The following THSD4 variants were observed in gnomAD, a reference collection of about 807,000 sequenced individuals.
THSD4 encodes thrombospondin type 1 domain containing 4, also known as thrombospondin type-1 domain-containing protein 4.
Under a neutral mutation model 119.0 loss-of-function variants are expected in THSD4, and 69 were observed. That is an observed-to-expected ratio of 0.58 (90% CI 0.48 to 0.71). The LOEUF (loss-of-function observed/expected upper bound fraction) is 0.71, where lower values mean the gene tolerates loss of function less well. Ranked by LOEUF, THSD4 falls within the 30% of genes least tolerant of loss-of-function variation. The pLI, the probability that THSD4 is intolerant of heterozygous loss-of-function variation, is 0.00. For missense variants in THSD4, 1,393 were observed against 1,391.1 expected (o/e 1.00, Z -0.02); for synonymous variants, 524 against 540.4 (o/e 0.97, Z 0.42).
intron 7 of THSD4, among the ~76,000 whole-genome samples, chr15:71,489,699 C>T (rs915393588): frequency 5.9e-5 from 9 of 152,134 alleles, no homozygotes; most frequent in African/African-American, 1.7e-4. Flanking sequence ...CTGGTTTTGC[C>T]AGAAATAGAA....
intron 8 of THSD4, among the ~76,000 whole-genome samples, chr15:71,720,036 CTTTTTT>C (rs1200407782): frequency 2.0e-5 from 2 of 101,944 alleles, no homozygotes; most frequent in Non-Finnish European, 3.5e-5. Context: ...TTTTTTTTTT[CTTTTTT>C]TTTTTTTTTT....
chr15:71,631,305 G>C (rs1434956741), intron 7 of THSD4, among the ~76,000 whole-genome samples: 1 of 152,196 alleles, frequency 6.6e-6, no homozygotes, highest in Admixed American at 6.5e-5. Flanking sequence ...GGTTGAAAAG[G>C]AGAGAGCTTT....
intron 6 of THSD4, among the ~76,000 whole-genome samples, chr15:71,381,983 C>T (rs955622925): frequency 6.6e-6 from 1 of 151,958 alleles, no homozygotes; most frequent in Non-Finnish European, 1.5e-5. Context: ...AAAGTTAATT[C>T]AAGATCAAAA....
chr15:71,432,920 C>T (rs936958874), intron 7 of THSD4, among the ~76,000 whole-genome samples: 1 of 151,936 alleles, frequency 6.6e-6, no homozygotes, highest in Non-Finnish European at 1.5e-5. Flanking sequence ...ACATTTCCTA[C>T]CCTCCCTGTA....
intron 7 of THSD4, among the ~76,000 whole-genome samples, chr15:71,545,337 G>C (rs1208913701): frequency 6.6e-5 from 10 of 152,156 alleles, no homozygotes; most frequent in Admixed American, 6.5e-4. Flanking sequence ...AAGGGTGATT[G>C]AGAAGTGTCT....
chr15:71,706,893 T>C (rs897507104), intron 8 of THSD4, among the ~76,000 whole-genome samples: 1 of 152,160 alleles, frequency 6.6e-6, no homozygotes, highest in South Asian at 2.1e-4. Flanking sequence ...GTGGTTTGTC[T>C]TTTCCTTTTT....
At chr15:71,747,462 T>C (rs12101956) in intron 13 of THSD4, among the ~76,000 whole-genome samples, 40,226 of 152,126 alleles carry the variant, frequency 0.26, 5,669 homozygotes, top group African/African-American at 0.32. Context: ...AAAAGATTTA[T>C]TGGAAGCCAA....
chr15:71,229,514 T>C (rs908681274), intron 4 of THSD4, among the ~76,000 whole-genome samples: 3 of 152,202 alleles, frequency 2.0e-5, no homozygotes, highest in Non-Finnish European at 4.4e-5. Context: ...ACTGATACAA[T>C]GTAAATACTT....
chr15:71,440,177 G>C (rs2047071015), intron 7 of THSD4, among the ~76,000 whole-genome samples: 1 of 152,036 alleles, frequency 6.6e-6, no homozygotes, highest in Non-Finnish European at 1.5e-5. Context: ...GACTGAATAT[G>C]ATCATGCATG....
intron 8 of THSD4, among the ~76,000 whole-genome samples, chr15:71,701,699 T>A (rs1452468483): frequency 6.6e-6 from 1 of 152,204 alleles, no homozygotes; most frequent in Non-Finnish European, 1.5e-5. Context: ...GGTCCCATTT[T>A]GTATTAAAAA....
At chr15:71,494,567 G>A (rs1215887868) in intron 7 of THSD4, among the ~76,000 whole-genome samples, 3 of 144,126 alleles carry the variant, frequency 2.1e-5, no homozygotes, top group African/African-American at 7.8e-5. Context: ...GCCACCACAC[G>A]ATGGACCCCA....
intron 11 of THSD4, among the ~76,000 whole-genome samples, chr15:71,744,171 T>A (rs949340852): frequency 6.3e-5 from 9 of 143,802 alleles, no homozygotes; most frequent in African/African-American, 1.4e-4. Flanking sequence ...TTTTTTTTTT[T>A]AATTGACACC....
chr15:71,736,304 GCT>G (rs2053104666), intron 10 of THSD4, among the ~76,000 whole-genome samples: 4 of 131,692 alleles, frequency 3.0e-5, no homozygotes, highest in African/African-American at 5.8e-5. Context: ...TGTCTCTCCT[GCT>G]CTCTGTCTGT....
chr15:71,423,769 G>T (rs547537361), intron 7 of THSD4, among the ~76,000 whole-genome samples: 37 of 152,294 alleles, frequency 2.4e-4, no homozygotes, highest in African/African-American at 8.7e-4. Flanking sequence ...TACACGGCTT[G>T]TGGCCTAGAC....
chr15:71,215,437 T>C, intron 4 of THSD4, 38 bp downstream of exon 4: 2 of 1,478,988 alleles, frequency 1.4e-6, no homozygotes, highest in Non-Finnish European at 9.0e-7. Context: ...TCCCCGTCCC[T>C]GTCCCAGTAT....
intron 7 of THSD4, among the ~76,000 whole-genome samples, chr15:71,584,837 C>T (rs1307564276): frequency 3.9e-5 from 6 of 152,134 alleles, no homozygotes; most frequent in African/African-American, 1.4e-4. Flanking sequence ...GGCTTTGATT[C>T]CTTTCTCTTC....
intron 6 of THSD4, among the ~76,000 whole-genome samples, chr15:71,308,196 C>T (rs2045059285): frequency 2.0e-5 from 3 of 152,216 alleles, no homozygotes; most frequent in African/African-American, 7.2e-5. Context: ...GAGGTTACCT[C>T]CCAGGAGCCT....
intron 7 of THSD4, among the ~76,000 whole-genome samples, chr15:71,506,737 T>G (rs2048195901): frequency 6.6e-6 from 1 of 152,216 alleles, no homozygotes; most frequent in Admixed American, 6.5e-5. Context: ...TCTTTCCTGG[T>G]CTGAACTGGC....
chr15:71,725,229 A>G (rs1373940311), intron 8 of THSD4, among the ~76,000 whole-genome samples: 20 of 121,632 alleles, frequency 1.6e-4, no homozygotes, highest in Admixed American at 5.3e-4. Flanking sequence ...TTCTGATTAC[A>G]TGGATGGTGG....
Sources: allele counts gnomAD v4.1 joint callset (sites outside exome capture counted in the v4.1 genomes callset), GRCh38; gene constraint gnomAD v4.1.1; transcripts MANE v1.5; gene names NCBI Gene and HGNC (gene_info 2026-07-23, HGNC 2026-07-21).